RELN: variants seen among roughly 807,000 people sequenced by gnomAD.
RELN encodes reelin.
Under a neutral mutation model 427.6 loss-of-function variants are expected in RELN, and 108 were observed. That is an observed-to-expected ratio of 0.25 (90% CI 0.22 to 0.30). RELN has a LOEUF of 0.30. Among genes scored for constraint, RELN ranks in the 10% least tolerant of loss-of-function variants. The pLI is 1.00. For synonymous variants in RELN, 1,524 were observed against 1,513.4 expected (o/e 1.01, Z -0.16); for missense variants, 3,715 against 4,302.8 (o/e 0.86, Z 3.82).
intron 3 of RELN, among the ~76,000 whole-genome samples, chr7:103,782,432 C>G (rs1791915016): frequency 6.6e-6 from 1 of 152,084 alleles, no homozygotes; most frequent in Non-Finnish European, 1.5e-5. Context: ...AACAGACTCC[C>G]TATCTGAGGA....
chr7:103,914,500 G>C (rs962749173), intron 2 of RELN, among the ~76,000 whole-genome samples: 3 of 152,006 alleles, frequency 2.0e-5, no homozygotes, highest in African/African-American at 7.3e-5. Context: ...ATAAGCCCTG[G>C]ACTAAGGAAA....
Position 103,472,764 on chromosome 7 carries a change from G to C in RELN, c.*48C>G. On this transcript the variant is annotated 3_prime_UTR_variant, in exon 65 of 65. Coordinates refer to ENST00000428762, the MANE Select transcript of RELN (RefSeq NM_005045.4). ...GTAGTGCGAGATTTAAAAGAATGGA[G>C]AGCAACACATCACATGTTGGAAGAA... 1 of 1,364,402 alleles carries C rather than the reference G, an allele frequency of 7.3e-7. No individual in the cohort carries two copies. The highest frequency in any genetic ancestry group is 1.0e-6 in the Non-Finnish European group (1 of 953,506). The allele number at this position is 1,364,402 out of a possible 1,614,324, so 84.5% of individuals were successfully genotyped here.
chr7:103,568,929 C>T (rs1162774194), intron 31 of RELN, among the ~76,000 whole-genome samples: 1 of 152,144 alleles, frequency 6.6e-6, no homozygotes, highest in Non-Finnish European at 1.5e-5. Context: ...CACCTTGGAA[C>T]AGGTTTTATA....
intron 2 of RELN, among the ~76,000 whole-genome samples, chr7:103,839,974 A>C (rs931639405): frequency 6.6e-6 from 1 of 152,150 alleles, no homozygotes; most frequent in Non-Finnish European, 1.5e-5. Context: ...GTGAGTTCTC[A>C]CGAGATCTGG....
intron 9 of RELN, among the ~76,000 whole-genome samples, chr7:103,700,645 CTA>C (rs1834070004): frequency 6.6e-6 from 1 of 152,002 alleles, no homozygotes; most frequent in Admixed American, 6.6e-5. Context: ...ATCAAAAAAG[CTA>C]TGATTGCAAA....
chr7:103,974,928 A>G (rs910986887), intron 1 of RELN, among the ~76,000 whole-genome samples: 3 of 152,230 alleles, frequency 2.0e-5, no homozygotes, highest in African/African-American at 2.4e-5. Context: ...TATAGTTTCT[A>G]TTAATAATTG....
chr7:103,793,875 T>G (rs993113256), intron 3 of RELN, among the ~76,000 whole-genome samples: 1 of 152,172 alleles, frequency 6.6e-6, no homozygotes, highest in Non-Finnish European at 1.5e-5. Context: ...CAAGTCATTC[T>G]CGTGCCTCAG....
intron 3 of RELN, among the ~76,000 whole-genome samples, chr7:103,801,725 A>T (rs1048760881): frequency 7.3e-6 from 1 of 137,258 alleles, no homozygotes; most frequent in African/African-American, 2.8e-5. Context: ...AACTTAAAGT[A>T]TAAAAAAAAA....
At chr7:103,545,879 G>A (rs1422513751) in intron 41 of RELN, among the ~76,000 whole-genome samples, 3 of 152,024 alleles carry the variant, frequency 2.0e-5, no homozygotes, top group Non-Finnish European at 2.9e-5. Context: ...CAGGCGATCC[G>A]CCCACATCAG....
intron 11 of RELN, among the ~76,000 whole-genome samples, chr7:103,671,268 A>G (rs945813286): frequency 2.6e-5 from 4 of 152,178 alleles, no homozygotes; most frequent in Non-Finnish European, 5.9e-5. Context: ...GGATGAGCTC[A>G]ATTTGAAGCC....
chr7:103,937,301 A>G (rs1347977167), intron 1 of RELN, among the ~76,000 whole-genome samples: 2 of 152,256 alleles, frequency 1.3e-5, no homozygotes, highest in Non-Finnish European at 2.9e-5. Flanking sequence ...AGAGACTGCA[A>G]TTTGGAGGCC....
intron 11 of RELN, among the ~76,000 whole-genome samples, chr7:103,662,832 A>C (rs1833174329): frequency 6.6e-6 from 1 of 152,146 alleles, no homozygotes; most frequent in East Asian, 1.9e-4. Flanking sequence ...ACATGATTAC[A>C]TCTCTCCTTT....
intron 1 of RELN, among the ~76,000 whole-genome samples, chr7:103,986,940 G>C (rs1797111588): frequency 3.5e-5 from 1 of 28,816 alleles, no homozygotes; most frequent in South Asian, 7.4e-4. Context: ...CTGTGTGTGT[G>C]TGTGTGTGTG....
chr7:103,764,678 A>G (rs1791384692), intron 4 of RELN, among the ~76,000 whole-genome samples: 2 of 151,718 alleles, frequency 1.3e-5, no homozygotes, highest in African/African-American at 4.8e-5. Context: ...TCTACTAAAA[A>G]TACAAAAATT....
At chr7:103,527,970 G>T (rs1455010827) in intron 46 of RELN, among the ~76,000 whole-genome samples, 1 of 152,184 alleles carries the variant, frequency 6.6e-6, no homozygotes, top group African/African-American at 2.4e-5. Context: ...TACATTGCTG[G>T]TGGGAATGTA....
At chr7:103,798,335 T>C (rs1186081688) in intron 3 of RELN, among the ~76,000 whole-genome samples, 3 of 152,190 alleles carry the variant, frequency 2.0e-5, no homozygotes, top group African/African-American at 7.2e-5. Context: ...TTAAGATCTT[T>C]GGCAAATTAA....
At chr7:103,635,810 T>C (rs1199383892) in intron 18 of RELN, among the ~76,000 whole-genome samples, 1 of 152,206 alleles carries the variant, frequency 6.6e-6, no homozygotes. Context: ...TGGATGTTTA[T>C]GCACACTTGT....
chr7:103,987,933 A>G (rs1797137270), intron 1 of RELN, among the ~76,000 whole-genome samples: 1 of 152,222 alleles, frequency 6.6e-6, no homozygotes, highest in African/African-American at 2.4e-5. Flanking sequence ...TAAATATTTT[A>G]TAATAGATAT....
chr7:103,473,122 C>T, intron 64 of RELN: 1 of 669,284 alleles, frequency 1.5e-6, no homozygotes, highest in Non-Finnish European at 2.8e-6. Context: ...GAAGAAATCC[C>T]TGTCTTTTCA....
Sources: gnomAD v4.1 joint callset for allele counts (sites outside exome capture counted in the v4.1 genomes callset) on GRCh38, gnomAD v4.1.1 for gene constraint, MANE v1.5 for transcripts, NCBI Gene and HGNC (gene_info 2026-07-23, HGNC 2026-07-21) for gene names.